DOCK10: variants seen among roughly 807,000 people sequenced by gnomAD.
DOCK10 encodes the protein dedicator of cytokinesis 10.
In DOCK10, 145 loss-of-function variants were observed where a neutral mutation model predicts 280.1. The observed-to-expected ratio is 0.52, with a 90% CI of 0.45 to 0.59. The LOEUF (loss-of-function observed/expected upper bound fraction) is 0.59, where lower values mean the gene tolerates loss of function less well. DOCK10 is among the 20% of genes least tolerant of loss of function. The pLI, the probability that DOCK10 is intolerant of heterozygous loss-of-function variation, is 0.00. For synonymous variants in DOCK10, 915 were observed against 942.2 expected, an observed-to-expected ratio of 0.97 and a Z score of 0.53; for missense variants, 2,368 against 2,651.7, an observed-to-expected ratio of 0.89 and a Z score of 2.35.
intron 7 of DOCK10, 147 bp downstream of exon 7, chr2:224,885,524 A>C: frequency 1.4e-6 from 1 of 735,642 alleles, no homozygotes; most frequent in Non-Finnish European, 1.9e-6. Context: ...AGATTTGTGA[A>C]AGTAGAGATC....
intron 3 of DOCK10, among the ~76,000 whole-genome samples, chr2:224,909,511 G>A (rs1219940510): frequency 6.6e-6 from 1 of 152,192 alleles, no homozygotes. Flanking sequence ...CCCTTGTGAG[G>A]AGTGGAAGTA....
intron 41 of DOCK10, 33 bp downstream of exon 41, chr2:224,800,118 A>AT (rs1164273944): frequency 1.6e-5 from 21 of 1,345,260 alleles, no homozygotes; most frequent in Non-Finnish European, 1.9e-5. Flanking sequence ...ATATTTCATC[A>AT]TTTTTTGCAG....
At chr2:224,781,102 C>T (rs193051878) in intron 50 of DOCK10, among the ~76,000 whole-genome samples, 105 of 152,198 alleles carry the variant, frequency 6.9e-4, no homozygotes, top group African/African-American at 2.3e-3. Context: ...GTGGTGATGA[C>T]AACAATGATG....
intron 26 of DOCK10, among the ~76,000 whole-genome samples, chr2:224,831,486 G>A (rs763309987): frequency 3.9e-5 from 6 of 152,180 alleles, no homozygotes; most frequent in African/African-American, 7.2e-5. Context: ...CCAAGGCTCC[G>A]TCCTGCCCCT....
At chr2:224,908,509 C>G (rs1384749533) in intron 3 of DOCK10, among the ~76,000 whole-genome samples, 2 of 150,556 alleles carry the variant, frequency 1.3e-5, no homozygotes, top group Non-Finnish European at 3.0e-5. Context: ...TTTTATTTTT[C>G]TACGGACAGA....
chr2:224,897,327 C>G (rs1013821068), intron 3 of DOCK10, among the ~76,000 whole-genome samples: 8 of 152,124 alleles, frequency 5.3e-5, no homozygotes, highest in Admixed American at 1.3e-4. Context: ...TGGTTTGATA[C>G]AGGCATGTAA....
At chr2:225,037,337 A>AG (rs1486168818) in intron 1 of DOCK10, among the ~76,000 whole-genome samples, 1 of 152,196 alleles carries the variant, frequency 6.6e-6, no homozygotes, top group Admixed American at 6.5e-5. Flanking sequence ...AACTATCCTC[A>AG]GGGGAACACT....
intron 1 of DOCK10, among the ~76,000 whole-genome samples, chr2:225,009,081 A>T (rs1387154354): frequency 6.6e-6 from 1 of 152,208 alleles, no homozygotes; most frequent in Non-Finnish European, 1.5e-5. Context: ...TGGGGCCAGC[A>T]GCCAACATTG....
chr2:225,002,613 T>C (rs12478364), intron 1 of DOCK10, among the ~76,000 whole-genome samples: 23,787 of 152,246 alleles, frequency 0.16, 3,381 homozygotes, highest in African/African-American at 0.37. Context: ...CTCCTCATCA[T>C]AGTGAGACAA....
At chr2:225,017,316 A>G (rs1194102557) in intron 1 of DOCK10, among the ~76,000 whole-genome samples, 5 of 152,138 alleles carry the variant, frequency 3.3e-5, no homozygotes, top group Non-Finnish European at 5.9e-5. Context: ...GACAGCTTAG[A>G]GGCAGGAGCA....
At chr2:224,905,414 AT>A (rs1190482948) in intron 3 of DOCK10, among the ~76,000 whole-genome samples, 1 of 150,974 alleles carries the variant, frequency 6.6e-6, no homozygotes, top group East Asian at 1.9e-4. Flanking sequence ...CGCCCGGCTA[AT>A]TTTTTTTGTA....
At chr2:224,898,126 A>G (rs1157284018) in intron 3 of DOCK10, among the ~76,000 whole-genome samples, 1 of 152,234 alleles carries the variant, frequency 6.6e-6, no homozygotes. Context: ...CTTTGCAGAA[A>G]GGATGGAGGG....
In DOCK10 at chr2:224,933,049, G is replaced by A. The variant is rs140696575; in HGVS notation, c.124-1381C>T. The stretch of plus-strand genomic sequence containing the variant: ...GCCAGGTGAATATTCTGTCTAGAAG[G>A]TCCTTCCAGAAAGATGGCTAGTTTA... On this transcript the variant is annotated intron_variant, in intron 1 of 55. Coordinates refer to ENST00000258390, the MANE Select transcript of DOCK10 (RefSeq NM_014689.3). Among the ~76,000 whole-genome samples the A allele has an allele frequency of 2.5e-3, 380 of 152,268 alleles. 2 individuals are homozygous for A. The highest frequency in any genetic ancestry group is 7.3e-3 in the African/African-American group (302 of 41,548).
At chr2:224,766,694 T>C (rs1317094674) in intron 55 of DOCK10, among the ~76,000 whole-genome samples, 1 of 152,262 alleles carries the variant, frequency 6.6e-6, no homozygotes, top group Non-Finnish European at 1.5e-5. Context: ...GACTTCACTA[T>C]GCTGTTATTC....
chr2:225,029,133 A>C (rs1422648941), intron 1 of DOCK10, among the ~76,000 whole-genome samples: 1 of 150,316 alleles, frequency 6.7e-6, no homozygotes, highest in Non-Finnish European at 1.5e-5. Flanking sequence ...ATCCATTTAA[A>C]CCTCCTTGTG....
chr2:224,847,596 C>A (rs1312515478), intron 19 of DOCK10, among the ~76,000 whole-genome samples: 1 of 152,110 alleles, frequency 6.6e-6, no homozygotes, highest in Non-Finnish European at 1.5e-5. Flanking sequence ...ACAGAAAATG[C>A]ATCTTCCAGA....
chr2:224,950,195 T>C (rs1416403568), intron 1 of DOCK10, among the ~76,000 whole-genome samples: 1 of 152,186 alleles, frequency 6.6e-6, no homozygotes, highest in African/African-American at 2.4e-5. Flanking sequence ...AATCTAGATA[T>C]TAACATAGGG....
chr2:224,837,171 T>G (rs549721799), intron 25 of DOCK10, among the ~76,000 whole-genome samples: 24 of 152,328 alleles, frequency 1.6e-4, no homozygotes, highest in South Asian at 1.4e-3. Flanking sequence ...ACAAGTTCAC[T>G]GGCATTAATC....
intron 55 of DOCK10, among the ~76,000 whole-genome samples, chr2:224,768,274 C>T (rs1242621820): frequency 2.6e-5 from 4 of 151,992 alleles, no homozygotes; most frequent in South Asian, 2.1e-4. Context: ...TTTGTATGTA[C>T]CTGTTTTCAG....
Sources: allele counts gnomAD v4.1 joint callset (sites outside exome capture counted in the v4.1 genomes callset), GRCh38; gene constraint gnomAD v4.1.1; transcripts MANE v1.5; gene names NCBI Gene and HGNC (gene_info 2026-07-23, HGNC 2026-07-21).